Variants in F13A1 observed in about 807,000 individuals in gnomAD.
F13A1 encodes FSF, A subunit.
F13A1 carries 47 observed loss-of-function variants against 80.1 expected under a neutral mutation model. The observed-to-expected ratio is 0.59, with a 90% CI of 0.46 to 0.75. The LOEUF (loss-of-function observed/expected upper bound fraction) is 0.75. Among genes scored for constraint, F13A1 ranks in the 30% least tolerant of loss-of-function variants. F13A1 has a pLI of 0.00. For missense variants in F13A1, 817 were observed against 930.4 expected (o/e 0.88, Z 1.59); for synonymous variants, 349 against 344.9 (o/e 1.01, Z -0.13).
At chr6:6,248,467 G>A in intron 5 of F13A1, 48 bp from the exon 6 acceptor site, 1 of 1,436,412 alleles carries the variant, frequency 7.0e-7, no homozygotes, top group South Asian at 1.2e-5. Context: ...CACTCTGCAA[G>A]CAAAATATTC....
chr6:6,157,376 T>C (rs895509540), intron 13 of F13A1, among the ~76,000 whole-genome samples: 4 of 152,124 alleles, frequency 2.6e-5, no homozygotes, highest in Non-Finnish European at 5.9e-5. Context: ...CTCTAAAACA[T>C]TCATCTTCAA....
At chr6:6,292,832 C>A (rs1758242435) in intron 3 of F13A1, among the ~76,000 whole-genome samples, 1 of 152,192 alleles carries the variant, frequency 6.6e-6, no homozygotes, top group Non-Finnish European at 1.5e-5. Context: ...GGATGCCCAG[C>A]ACACATGACT....
At chr6:6,272,496 A>C (rs192565278) in intron 3 of F13A1, among the ~76,000 whole-genome samples, 1 of 152,152 alleles carries the variant, frequency 6.6e-6, no homozygotes, top group Admixed American at 6.5e-5. Context: ...GGACACTCCC[A>C]CTTCTCTCCT....
chr6:6,168,525 C>T (rs1042679191), intron 12 of F13A1, among the ~76,000 whole-genome samples: 3 of 152,180 alleles, frequency 2.0e-5, no homozygotes, highest in South Asian at 2.1e-4. Context: ...CTGTATGTGC[C>T]GACAGCTGGC....
intron 4 of F13A1, among the ~76,000 whole-genome samples, chr6:6,265,024 G>A (rs1369631711): frequency 6.6e-6 from 1 of 152,156 alleles, no homozygotes; most frequent in Non-Finnish European, 1.5e-5. Flanking sequence ...ACTTTGGGAG[G>A]CTCAGGCAGG....
At chr6:6,246,482 C>A (rs1188675974) in intron 6 of F13A1, among the ~76,000 whole-genome samples, 1 of 152,180 alleles carries the variant, frequency 6.6e-6, no homozygotes, top group Non-Finnish European at 1.5e-5. Flanking sequence ...ACCTCTACCC[C>A]TTAACACCCA....
At chr6:6,311,193 T>C (rs1758585673) in intron 2 of F13A1, among the ~76,000 whole-genome samples, 1 of 152,194 alleles carries the variant, frequency 6.6e-6, no homozygotes, top group Non-Finnish European at 1.5e-5. Context: ...CCACAGCAAA[T>C]ATGCCTCCTT....
chr6:6,261,257 G>A (rs1757776853), intron 4 of F13A1, among the ~76,000 whole-genome samples: 4 of 152,182 alleles, frequency 2.6e-5, no homozygotes, highest in African/African-American at 9.7e-5. Context: ...GTGAGCCACT[G>A]GGCCCGGCCC....
intron 6 of F13A1, among the ~76,000 whole-genome samples, chr6:6,245,318 GT>G (rs1757539983): frequency 2.6e-5 from 4 of 152,100 alleles, no homozygotes; most frequent in African/African-American, 9.7e-5. Context: ...TGCCTCCCGG[GT>G]TCAAGCAATT....
At chr6:6,283,869 G>A (rs1267421548) in intron 3 of F13A1, among the ~76,000 whole-genome samples, 1 of 152,190 alleles carries the variant, frequency 6.6e-6, no homozygotes, top group African/African-American at 2.4e-5. Context: ...AGCATCAGCT[G>A]TAAGAGAAGA....
chr6:6,314,310 A>G (rs1463146977), intron 2 of F13A1, among the ~76,000 whole-genome samples: 1 of 151,948 alleles, frequency 6.6e-6, no homozygotes, highest in Non-Finnish European at 1.5e-5. Context: ...CATAATTCTG[A>G]TTATGTATTT....
chr6:6,220,677 T>C (rs1477823408), intron 8 of F13A1, among the ~76,000 whole-genome samples: 1 of 152,196 alleles, frequency 6.6e-6, no homozygotes, highest in Non-Finnish European at 1.5e-5. Flanking sequence ...GGGGTGACTA[T>C]TTTGGTCTGT....
chr6:6,197,688 AAAG>A (rs1223297457), intron 8 of F13A1, among the ~76,000 whole-genome samples: 1 of 152,040 alleles, frequency 6.6e-6, no homozygotes, highest in African/African-American at 2.4e-5. Flanking sequence ...AAAAAAAAAA[AAAG>A]TGACCCCAAA....
intron 3 of F13A1, among the ~76,000 whole-genome samples, chr6:6,275,365 TTTTG>T (rs1167613580): frequency 6.6e-6 from 1 of 152,068 alleles, no homozygotes; most frequent in East Asian, 1.9e-4. Context: ...TTTTTATTTT[TTTTG>T]TTTGTTTTGT....
At chr6:6,227,438 A>G (rs1026424924) in intron 6 of F13A1, among the ~76,000 whole-genome samples, 1 of 152,196 alleles carries the variant, frequency 6.6e-6, no homozygotes, top group African/African-American at 2.4e-5. Flanking sequence ...TTTTGACTTT[A>G]GCTTATAGAG....
chr6:6,273,438 C>CTT, intron 3 of F13A1, among the ~76,000 whole-genome samples: 1 of 152,108 alleles, frequency 6.6e-6, no homozygotes, highest in East Asian at 1.9e-4. Context: ...AAGAAAGAAA[C>CTT]TTTTTTATTT....
intron 8 of F13A1, among the ~76,000 whole-genome samples, chr6:6,210,324 G>GATATATATATAGATATATATATATAT: frequency 1.2e-5 from 1 of 82,882 alleles, no homozygotes; most frequent in East Asian, 4.3e-4. Context: ...TGTAGCATGT[G>GATATATATATAGATATATATATATAT]ATATATATAT....
In F13A1 at chr6:6,318,447, G is replaced by A. The variant is rs1320164958; in HGVS notation, c.130+88C>T. 3 of 1,472,872 alleles carry A rather than the reference G, an allele frequency of 2.0e-6. No homozygotes were observed. The South Asian group carries it at 4.1e-5, about 20-fold the overall frequency. 91.2% of individuals were successfully genotyped at this position (1,472,872 alleles called of 1,614,324 possible). On this transcript the variant is annotated intron_variant, in intron 2 of 14. Coordinates refer to ENST00000264870, the MANE Select transcript of F13A1 (RefSeq NM_000129.4). The stretch of plus-strand genomic sequence containing the variant: ...TTCCTTTTGTGGGAACCCCAGTGGA[G>A]ACAGAGGATGTTTACCTGCAGGGAA...
At position 6,175,412 on chromosome 6, in the gene F13A1, G is replaced by C. The variant is rs117243185; in HGVS notation, c.1460-545C>G. On this transcript the variant is annotated intron_variant, in intron 11 of 14. Coordinates refer to ENST00000264870, the MANE Select transcript of F13A1 (RefSeq NM_000129.4). ...GCTGACCCTTGAGGGCTCCTGCCCC[G>C]TTCTTCCCTATCTCACTCAATTGCC... Among the ~76,000 whole-genome samples the C allele has an allele frequency of 5.0e-3, 760 of 152,188 alleles. 10 individuals carry two copies. Among genetic ancestry groups the C allele is most frequent in the African/African-American group, 0.018 (727 of 41,514 alleles).
Sources: allele counts gnomAD v4.1 joint callset (sites outside exome capture counted in the v4.1 genomes callset), GRCh38; gene constraint gnomAD v4.1.1; transcripts MANE v1.5; gene names NCBI Gene and HGNC (gene_info 2026-07-23, HGNC 2026-07-21).